The following IYD variants were observed in gnomAD, a reference collection of about 807,000 sequenced individuals.
IYD encodes the protein iodotyrosine deiodinase 1.
A neutral mutation model predicts 28.4 loss-of-function variants in IYD; 25 were observed. The ratio of observed to expected loss-of-function variants is 0.88; its 90% confidence interval spans 0.64 to 1.23. The LOEUF (loss-of-function observed/expected upper bound fraction) is 1.23. Among genes scored for constraint, IYD ranks in the 50% most tolerant of loss-of-function variants. The pLI is 0.00. For missense variants in IYD, 352 were observed against 357.9 expected, an observed-to-expected ratio of 0.98 and a Z score of 0.13; for synonymous variants, 140 against 130.8, an observed-to-expected ratio of 1.07 and a Z score of -0.48.
At chr6:150,371,520 C>T (rs1186547837) in intron 1 of IYD, among the ~76,000 whole-genome samples, 3 of 152,120 alleles carry the variant, frequency 2.0e-5, no homozygotes, top group Non-Finnish European at 2.9e-5. Context: ...CAGGAGAGCT[C>T]GGGCAGGCTG....
At chr6:150,383,815 CAAAA>C (rs1173122063) in intron 1 of IYD, among the ~76,000 whole-genome samples, 3 of 36,118 alleles carry the variant, frequency 8.3e-5, no homozygotes, top group African/African-American at 9.3e-5. Context: ...AAAACAAAAA[CAAAA>C]ACAAAAAAAA....
intron 1 of IYD, among the ~76,000 whole-genome samples, chr6:150,388,947 C>A (rs567067319): frequency 2.0e-5 from 3 of 152,134 alleles, no homozygotes; most frequent in Non-Finnish European, 4.4e-5. Context: ...AGTGATCCGC[C>A]TGCCTTGGCC....
intron 2 of IYD, among the ~76,000 whole-genome samples, chr6:150,390,908 A>G (rs1778092885): frequency 6.6e-6 from 1 of 152,094 alleles, no homozygotes; most frequent in Admixed American, 6.5e-5. Flanking sequence ...GAGTAGAATG[A>G]CACATGGCCG....
At chr6:150,392,202 A>G in intron 2 of IYD, 143 bp from the exon 3 acceptor site, 1 of 1,357,778 alleles carries the variant, frequency 7.4e-7, no homozygotes, top group Non-Finnish European at 1.0e-6. Flanking sequence ...CTAGTTAAAA[A>G]AAAAAAAATC....
intron 4 of IYD, among the ~76,000 whole-genome samples, chr6:150,394,624 C>T (rs1322693217): frequency 4.6e-5 from 7 of 152,166 alleles, no homozygotes; most frequent in Non-Finnish European, 8.8e-5. Flanking sequence ...ACTAAAAAGC[C>T]ATGAGAAGGG....
intron 1 of IYD, chr6:150,370,157 G>A (rs953568312): frequency 1.5e-5 from 10 of 652,736 alleles, no homozygotes; most frequent in Non-Finnish European, 1.7e-5. Context: ...ACCTGGACAT[G>A]TGAGTGTGTG....
At chr6:150,396,000 T>C (rs188783992) in intron 4 of IYD, 209 of 327,862 alleles carry the variant, frequency 6.4e-4, no homozygotes, top group Admixed American at 9.7e-4. Flanking sequence ...CTTGCCGTGG[T>C]GGTTGTTGTT....
chr6:150,380,231 C>G (rs1039627082), intron 1 of IYD, among the ~76,000 whole-genome samples: 4 of 152,056 alleles, frequency 2.6e-5, no homozygotes, highest in African/African-American at 7.2e-5. Context: ...ACAATTGTAA[C>G]CTGAAAACTT....
chr6:150,374,241 A>C (rs986701934), intron 1 of IYD, among the ~76,000 whole-genome samples: 4 of 152,264 alleles, frequency 2.6e-5, no homozygotes, highest in Admixed American at 6.5e-5. Context: ...AGGAGCCTTC[A>C]TAGGGAAATG....
intron 3 of IYD, 140 bp downstream of exon 3, chr6:150,392,644 T>C (rs991953663): frequency 6.9e-6 from 6 of 870,752 alleles, no homozygotes; most frequent in Non-Finnish European, 1.1e-5. Context: ...GGAAGTTAAG[T>C]CCGGGCTCAC....
At chr6:150,389,149 T>A (rs1778014420) in intron 1 of IYD, among the ~76,000 whole-genome samples, 1 of 152,192 alleles carries the variant, frequency 6.6e-6, no homozygotes, top group Non-Finnish European at 1.5e-5. Context: ...GGAATACACA[T>A]GTGAGCCATT....
chr6:150,380,430 C>T (rs1275575668), intron 1 of IYD, among the ~76,000 whole-genome samples: 2 of 152,172 alleles, frequency 1.3e-5, no homozygotes, highest in African/African-American at 4.8e-5. Context: ...TAAAACAGAT[C>T]AACTTTAGGA....
At chr6:150,374,743 A>G (rs951002140) in intron 1 of IYD, among the ~76,000 whole-genome samples, 3 of 152,200 alleles carry the variant, frequency 2.0e-5, no homozygotes, top group South Asian at 4.1e-4. Flanking sequence ...CAGCCAAACC[A>G]TATCACTTTG....
chr6:150,375,672 A>G (rs1777420758), intron 1 of IYD, among the ~76,000 whole-genome samples: 1 of 152,258 alleles, frequency 6.6e-6, no homozygotes, highest in South Asian at 2.1e-4. Context: ...TGTTAGCCCT[A>G]TGAGGATGGC....
intron 1 of IYD, chr6:150,370,458 T>G: frequency 1.0e-6 from 1 of 982,664 alleles, no homozygotes; most frequent in Non-Finnish European, 1.2e-6. Flanking sequence ...CATGAGTGTG[T>G]GTCCTAATCT....
chr6:150,388,630 G>GCTTGCTTT lies in IYD; in HGVS notation c.179-719_179-718insGCTTTCTT, dbSNP rs1490791585. On this transcript the variant is annotated intron_variant, in intron 1 of 4. Coordinates refer to ENST00000344419, the MANE Select transcript of IYD (RefSeq NM_203395.3). ...TCTAGATTTATAGTCTGGAGTTTTTGCTTTCTTTCTTTCTTTCTTTCTTTC... is the reference window on the plus strand; with the variant it reads ...TCTAGATTTATAGTCTGGAGTTTTTGCTTGCTTTCTTTCTTTCTTTCTTTCTTTCTTTC... 3.3e-3 allele frequency among the ~76,000 whole-genome samples: 433 copies of GCTTGCTTT among 129,388 alleles called. 3 individuals carry two copies. Among genetic ancestry groups the GCTTGCTTT allele is most frequent in the East Asian group, 0.01 (43 of 4,156 alleles). 84.9% of individuals were successfully genotyped at this position (129,388 alleles called of 152,430 possible).
rs141858156 is a variant in IYD at position 150,382,846 on chromosome 6, G to A, written c.179-6506G>A. ...GCTGTCACTTTTTTCTGCCAAAGTC[G>A]TGTGTCTTGTATTTCTTTGGACATA... On this transcript the variant is annotated intron_variant, in intron 1 of 4. Transcript: ENST00000344419. Among the ~76,000 whole-genome samples, 717 of 152,122 alleles carry A rather than the reference G, an allele frequency of 4.7e-3. 2 individuals carry two copies. Among genetic ancestry groups the A allele is most frequent in the African/African-American group, 0.016 (680 of 41,498 alleles).
chr6:150,389,907 G>A (rs899585937), intron 2 of IYD, among the ~76,000 whole-genome samples: 3 of 151,800 alleles, frequency 2.0e-5, no homozygotes, highest in African/African-American at 4.8e-5. Flanking sequence ...ACACACACTC[G>A]CATACTCACA....
Position 150,402,445 on chromosome 6 carries a change from G to C in IYD, c.*4208G>C, listed in dbSNP as rs1778538758. On this transcript the variant is annotated 3_prime_UTR_variant, in exon 5 of 5. Transcript: ENST00000344419. ...CACCTGCAAGGAAGGAGGCCCAGAT[G>C]TGTGTAGGTGCTGGATGTCTCTTCC... 1 of 152,280 alleles carries C rather than the reference G, an allele frequency of 6.6e-6. No individual in the cohort carries two copies. The highest frequency in any genetic ancestry group is 2.1e-4 in the South Asian group (1 of 4,832). The allele number at this position is 152,280 out of a possible 1,614,324, so 9.4% of individuals were successfully genotyped here. A position where few individuals can be genotyped will look rare whatever the true frequency, so the allele number is the denominator to read the frequency against.
Sources: gnomAD v4.1 joint callset for allele counts (sites outside exome capture counted in the v4.1 genomes callset) on GRCh38, gnomAD v4.1.1 for gene constraint, MANE v1.5 for transcripts, NCBI Gene and HGNC (gene_info 2026-07-23, HGNC 2026-07-21) for gene names.